Variants in LRRIQ3 observed in about 807,000 individuals in gnomAD.
The protein encoded by LRRIQ3 is leucine-rich repeat and IQ domain-containing protein 3.
Under a neutral mutation model 59.3 loss-of-function variants are expected in LRRIQ3, and 75 were observed. That is an observed-to-expected ratio of 1.26 (90% CI 1.05 to 1.53). The LOEUF (loss-of-function observed/expected upper bound fraction) is 1.53, where lower values mean the gene tolerates loss of function less well. Among genes scored for constraint, LRRIQ3 ranks in the 40% most tolerant of loss-of-function variants. LRRIQ3 has a pLI of 0.00. For missense variants in LRRIQ3, 831 were observed against 710.0 expected, an observed-to-expected ratio of 1.17 and a Z score of -1.94; for synonymous variants, 250 against 231.3, an observed-to-expected ratio of 1.08 and a Z score of -0.73.
At chr1:74,131,891 A>G (rs1217110425) in intron 4 of LRRIQ3, among the ~76,000 whole-genome samples, 1 of 152,182 alleles carries the variant, frequency 6.6e-6, no homozygotes, top group Non-Finnish European at 1.5e-5. Flanking sequence ...ATCGGGCAGG[A>G]GAAAGAAATA....
intron 5 of LRRIQ3, among the ~76,000 whole-genome samples, chr1:74,086,008 G>A (rs1351389051): frequency 6.6e-6 from 1 of 152,014 alleles, no homozygotes; most frequent in Non-Finnish European, 1.5e-5. Flanking sequence ...ATCCTTCGGA[G>A]CTACTAAATC....
At chr1:74,061,112 A>G (rs111852625) in intron 6 of LRRIQ3, among the ~76,000 whole-genome samples, 37 of 152,272 alleles carry the variant, frequency 2.4e-4, no homozygotes, top group African/African-American at 7.9e-4. Flanking sequence ...AATGTACAAA[A>G]GTAATAACAT....
intron 4 of LRRIQ3, among the ~76,000 whole-genome samples, chr1:74,125,025 A>T (rs1323789694): frequency 6.6e-6 from 1 of 151,858 alleles, no homozygotes; most frequent in African/African-American, 2.4e-5. Flanking sequence ...TATCCTCTTC[A>T]ATTTCTTTCA....
chr1:74,092,067 A>G (rs1182545985), intron 5 of LRRIQ3, among the ~76,000 whole-genome samples: 1 of 152,138 alleles, frequency 6.6e-6, no homozygotes, highest in Non-Finnish European at 1.5e-5. Context: ...TACTTAAAAC[A>G]CATCTGCAAG....
At chr1:74,075,978 T>G (rs1211691714) in intron 5 of LRRIQ3, among the ~76,000 whole-genome samples, 1 of 152,128 alleles carries the variant, frequency 6.6e-6, no homozygotes, top group Admixed American at 6.5e-5. Context: ...TAACTTCTGT[T>G]TAATATCTCA....
Position 74,041,395 on chromosome 1 carries a change from A to G in LRRIQ3, c.1536T>C (p.Ala512=). ...ALFLKEKSQK[A]SERLLVQNLN... ...AGTTTTGAACTAATAAACGCTCTGA[A>G]GCCTTTTGGGATTTTTCTTTTAGAA... The change falls in exon 7 of 8, where the codon GCT becomes GCC. Residue 512 remains alanine, a synonymous_variant. Coordinates refer to ENST00000354431, the MANE Select transcript of LRRIQ3 (RefSeq NM_001105659.2). 1 of 1,613,816 alleles carries G rather than the reference A, an allele frequency of 6.2e-7. No homozygotes were observed.
chr1:74,135,386 ACT>A (rs954922556), intron 4 of LRRIQ3, among the ~76,000 whole-genome samples: 6 of 151,978 alleles, frequency 3.9e-5, no homozygotes, highest in African/African-American at 1.4e-4. Context: ...AATTATAGGA[ACT>A]CTATCAACTA....
intron 2 of LRRIQ3, 183 bp downstream of exon 2, chr1:74,183,253 T>A (rs981215210): frequency 2.2e-6 from 1 of 447,040 alleles, no homozygotes. Context: ...TTATGTATTT[T>A]CATTTACATC....
intron 7 of LRRIQ3, among the ~76,000 whole-genome samples, chr1:74,030,114 TAA>T (rs969852250): frequency 1.3e-5 from 2 of 151,872 alleles, no homozygotes; most frequent in African/African-American, 4.8e-5. Context: ...CTCAACAAAA[TAA>T]AAGAGGACAC....
chr1:74,181,004 G>A, intron 3 of LRRIQ3: 1 of 517,164 alleles, frequency 1.9e-6, no homozygotes, highest in Non-Finnish European at 3.4e-6. Context: ...CCTTTCCCTT[G>A]GACTTAATGA....
chr1:74,100,894 A>G (rs375453161), intron 5 of LRRIQ3, among the ~76,000 whole-genome samples: 2 of 152,180 alleles, frequency 1.3e-5, no homozygotes, highest in Admixed American at 1.3e-4. Context: ...CTTACACCTT[A>G]TACAAAAATT....
intron 3 of LRRIQ3, among the ~76,000 whole-genome samples, chr1:74,167,902 CTCTTA>C (rs1649087983): frequency 1.3e-5 from 2 of 151,900 alleles, no homozygotes; most frequent in Admixed American, 1.3e-4. Context: ...GGAGATTTTC[CTCTTA>C]TCTTTCTGTC....
intron 6 of LRRIQ3, among the ~76,000 whole-genome samples, chr1:74,054,739 A>AATACAT (rs1654470777): frequency 7.1e-6 from 1 of 141,798 alleles, no homozygotes; most frequent in Admixed American, 7.2e-5. Context: ...AGAAAACACA[A>AATACAT]ATATATATAT....
chr1:74,086,748 C>T (rs1265203422), intron 5 of LRRIQ3, among the ~76,000 whole-genome samples: 1 of 151,986 alleles, frequency 6.6e-6, no homozygotes, highest in Non-Finnish European at 1.5e-5. Context: ...ACTTAATTTA[C>T]ATTAGGAAAA....
chr1:74,118,194 TATC>T (rs1646803431), intron 4 of LRRIQ3, among the ~76,000 whole-genome samples: 1 of 152,098 alleles, frequency 6.6e-6, no homozygotes, highest in Admixed American at 6.6e-5. Context: ...CACACACAAT[TATC>T]AATCATTACT....
At chr1:74,160,987 C>T (rs893554182) in intron 3 of LRRIQ3, among the ~76,000 whole-genome samples, 1 of 152,058 alleles carries the variant, frequency 6.6e-6, no homozygotes. Context: ...CTTAGTCCAT[C>T]TGGGTAGCTA....
At chr1:74,049,924 T>TC (rs398038125) in intron 6 of LRRIQ3, among the ~76,000 whole-genome samples, 2 of 144,988 alleles carry the variant, frequency 1.4e-5, no homozygotes, top group Non-Finnish European at 1.5e-5. Flanking sequence ...GTCTTTTTTT[T>TC]CTTTTTTTTT....
chr1:74,072,010 G>A (rs1354643456), intron 6 of LRRIQ3, among the ~76,000 whole-genome samples: 1 of 151,818 alleles, frequency 6.6e-6, no homozygotes, highest in Non-Finnish European at 1.5e-5. Context: ...AACAATATAA[G>A]GATTAGAAAA....
At chr1:74,026,994 G>A in intron 7 of LRRIQ3, 25 bp from the exon 8 acceptor site, 2 of 1,425,592 alleles carry the variant, frequency 1.4e-6, no homozygotes, top group Non-Finnish European at 1.9e-6. Flanking sequence ...AAAGGTAATA[G>A]AATGAGATAC....
Sources: allele counts gnomAD v4.1 joint callset (sites outside exome capture counted in the v4.1 genomes callset), GRCh38; gene constraint gnomAD v4.1.1; transcripts MANE v1.5; gene names NCBI Gene and HGNC (gene_info 2026-07-23, HGNC 2026-07-21).